The following CAMK2B variants were observed in gnomAD, a reference collection of about 807,000 sequenced individuals.
The protein encoded by CAMK2B is calcium/calmodulin-dependent protein kinase type II subunit beta.
In CAMK2B, 27 loss-of-function variants were observed where a neutral mutation model predicts 93.7. The observed-to-expected ratio is 0.29, with a 90% CI of 0.21 to 0.40. The LOEUF (loss-of-function observed/expected upper bound fraction) is 0.40, where lower values mean the gene tolerates loss of function less well. Ranked by LOEUF, CAMK2B falls within the 10% of genes least tolerant of loss-of-function variation. The pLI is 1.00. For synonymous variants in CAMK2B, 374 were observed against 358.8 expected (o/e 1.04, Z -0.48); for missense variants, 568 against 895.8 (o/e 0.63, Z 4.67).
At chr7:44,222,628 G>C (rs2096423534) in intron 20 of CAMK2B, among the ~76,000 whole-genome samples, 1 of 152,110 alleles carries the variant, frequency 6.6e-6, no homozygotes, top group Non-Finnish European at 1.5e-5. Flanking sequence ...ATTTTTAGTG[G>C]AGATGAGGTT....
Position 44,220,127 on chromosome 7 carries a change from G to A in CAMK2B, c.1936C>T (p.Arg646Cys), listed in dbSNP as rs773282618. The change falls in exon 23 of 24, where the codon CGC becomes TGC. Residue 646 changes from arginine to cysteine, a missense_variant. Around this residue, in one of 4 missense-constraint regions of CAMK2B, gnomAD observed 116 missense variants for 188.0 expected, o/e 0.62. Coordinates refer to ENST00000395749, the MANE Select transcript of CAMK2B (RefSeq NM_001220.5). The part of the protein sequence containing the change: ...QSEETRVWHR[R>C]DGKWQNVHFH... ...TGCACGTTCTGCCACTTGCCGTCGC[G>A]GCGGTGCCACACGCGGGTCTCCTCA... The A allele has an allele frequency of 3.1e-6, 5 of 1,611,844 alleles. No individual in the cohort carries two copies. The highest frequency in any genetic ancestry group is 1.3e-5 in the African/African-American group (1 of 74,934).
At chr7:44,287,297 G>A (rs1424847811) in intron 1 of CAMK2B, among the ~76,000 whole-genome samples, 8 of 152,124 alleles carry the variant, frequency 5.3e-5, no homozygotes, top group Admixed American at 5.2e-4. Context: ...CTTAAGGAAT[G>A]TATGCTTAAG....
chr7:44,220,948 C>T (rs1409571067), intron 20 of CAMK2B, 47 bp from the exon 21 acceptor site: 2 of 1,504,116 alleles, frequency 1.3e-6, no homozygotes, highest in Admixed American at 2.0e-5. Flanking sequence ...GGCCCATTCC[C>T]CCCGGACCCC....
chr7:44,228,063 C>T (rs1350196748), intron 19 of CAMK2B, among the ~76,000 whole-genome samples: 1 of 151,666 alleles, frequency 6.6e-6, no homozygotes, highest in East Asian at 1.9e-4. Context: ...GTGGCGTGGG[C>T]TGAAGCTGCT....
At chr7:44,325,309 C>T in intron 1 of CAMK2B, 48 bp downstream of exon 1, 3 of 1,111,112 alleles carry the variant, frequency 2.7e-6, no homozygotes, top group Non-Finnish European at 2.3e-6. Flanking sequence ...CCGGAGGTCC[C>T]GGCCCTCTGG....
chr7:44,293,696 C>T (rs1008845914), intron 1 of CAMK2B, among the ~76,000 whole-genome samples: 1 of 152,198 alleles, frequency 6.6e-6, no homozygotes, highest in African/African-American at 2.4e-5. Flanking sequence ...CAATAGGGTT[C>T]GTGCTCCTAT....
At chr7:44,306,428 G>C (rs952851255) in intron 1 of CAMK2B, among the ~76,000 whole-genome samples, 5 of 152,220 alleles carry the variant, frequency 3.3e-5, no homozygotes, top group Admixed American at 1.3e-4. Flanking sequence ...CTGTGCCCCA[G>C]AACAATGGCC....
chr7:44,322,399 T>C (rs1796328594), intron 1 of CAMK2B, among the ~76,000 whole-genome samples: 1 of 152,236 alleles, frequency 6.6e-6, no homozygotes, highest in Admixed American at 6.5e-5. Flanking sequence ...TATAATTTTT[T>C]TAAAAAAGGA....
In CAMK2B at chr7:44,266,083, G is replaced by A. The variant is rs545300762; in HGVS notation, c.161-3019C>T. 6.6e-5 allele frequency among the ~76,000 whole-genome samples: 10 copies of A among 152,252 alleles called. No individual in the cohort carries two copies. The South Asian group carries it at 1.7e-3, about 25-fold the overall frequency. On this transcript the variant is annotated intron_variant, in intron 2 of 23. Coordinates refer to ENST00000395749, the MANE Select transcript of CAMK2B (RefSeq NM_001220.5). ...AAAAAAGATTTTGATCCTGTCTCCA[G>A]TGACCAAGCTACTGATTCAATATGA...
intron 20 of CAMK2B, among the ~76,000 whole-genome samples, chr7:44,223,463 G>C (rs577684425): frequency 1.3e-5 from 2 of 152,140 alleles, no homozygotes; most frequent in African/African-American, 4.8e-5. Flanking sequence ...CAGCCACCAC[G>C]AGTCCCATTC....
chr7:44,241,549 C>T (rs2096678669), intron 11 of CAMK2B, 151 bp downstream of exon 11: 1 of 670,646 alleles, frequency 1.5e-6, no homozygotes, highest in Non-Finnish European at 2.6e-6. Context: ...CTGAGTTCAC[C>T]TGATGCATCC....
At chr7:44,269,807 A>C (rs10252192) in intron 2 of CAMK2B, among the ~76,000 whole-genome samples, 47,607 of 151,972 alleles carry the variant, frequency 0.31, 7,904 homozygotes, top group Non-Finnish European at 0.37. Flanking sequence ...AGGAGGCCCA[A>C]CGGGTAAGCT....
chr7:44,305,279 T>C (rs1452943706), intron 1 of CAMK2B, among the ~76,000 whole-genome samples: 1 of 152,190 alleles, frequency 6.6e-6, no homozygotes, highest in African/African-American at 2.4e-5. Context: ...CTGAATGCTC[T>C]GCTGAGACCA....
At chr7:44,260,529 G>T (rs1423518627) in intron 3 of CAMK2B, among the ~76,000 whole-genome samples, 3 of 152,216 alleles carry the variant, frequency 2.0e-5, no homozygotes, top group African/African-American at 7.2e-5. Flanking sequence ...CCTGGGGCAG[G>T]TTGCTCAGCC....
intron 1 of CAMK2B, among the ~76,000 whole-genome samples, chr7:44,320,733 C>T (rs1383020275): frequency 6.6e-6 from 1 of 152,248 alleles, no homozygotes; most frequent in Non-Finnish European, 1.5e-5. Flanking sequence ...TCTTTTTAAA[C>T]TACCCTACAT....
intron 1 of CAMK2B, among the ~76,000 whole-genome samples, chr7:44,320,820 C>T (rs933861758): frequency 1.3e-4 from 20 of 152,218 alleles, no homozygotes; most frequent in Admixed American, 2.0e-4. Context: ...CCCAACTCAC[C>T]CCTTCCCCAC....
intron 9 of CAMK2B, 92 bp downstream of exon 9, chr7:44,242,468 G>T: frequency 1.3e-6 from 2 of 1,499,066 alleles, no homozygotes; most frequent in Non-Finnish European, 1.8e-6. Flanking sequence ...GCCACAGGTG[G>T]CTTCACCCCA....
chr7:44,301,777 G>GA (rs961442087), intron 1 of CAMK2B, among the ~76,000 whole-genome samples: 20 of 141,686 alleles, frequency 1.4e-4, no homozygotes, highest in Admixed American at 2.8e-4. Flanking sequence ...CTCCATCTCA[G>GA]AAAAAAAAAA....
At chr7:44,253,452 A>G (rs1447008076) in intron 5 of CAMK2B, among the ~76,000 whole-genome samples, 3 of 152,204 alleles carry the variant, frequency 2.0e-5, no homozygotes, top group Non-Finnish European at 4.4e-5. Flanking sequence ...ACCTCAGGTG[A>G]TCCGCCCACC....
Sources: allele counts gnomAD v4.1 joint callset (sites outside exome capture counted in the v4.1 genomes callset), GRCh38; gene constraint gnomAD v4.1.1; regional missense constraint gnomAD v4.1.1; transcripts MANE v1.5; gene names NCBI Gene and HGNC (gene_info 2026-07-23, HGNC 2026-07-21).